THRB: variants seen among roughly 807,000 people sequenced by gnomAD.
THRB encodes the protein thyroid hormone receptor beta, also known as nuclear receptor subfamily 1 group A member 2.
A neutral mutation model predicts 47.8 loss-of-function variants in THRB; 12 were observed. The observed-to-expected ratio is 0.25, with a 90% CI of 0.16 to 0.41. The LOEUF (loss-of-function observed/expected upper bound fraction) is 0.41. THRB is among the 10% of genes least tolerant of loss of function. The pLI, the probability that THRB is intolerant of heterozygous loss-of-function variation, is 1.00. For missense variants in THRB, 348 were observed against 589.2 expected (o/e 0.59, Z 4.24); for synonymous variants, 218 against 212.2 (o/e 1.03, Z -0.24).
rs115975760 is a variant in THRB at position 24,313,121 on chromosome 3, C to T, written c.-188-15750G>A. ...GATTAAATACCTGGGTGAATGGTGC[C>T]GCCATTTACTGAGATGGGAAGACAG... On this transcript the variant is annotated intron_variant, in intron 2 of 10. Coordinates refer to ENST00000646209, the MANE Select transcript of THRB (RefSeq NM_001354712.2). Among the ~76,000 whole-genome samples, 1,514 of 152,112 alleles carry T rather than the reference C, an allele frequency of 1.0e-2. 18 individuals are homozygous for T. The highest frequency in any genetic ancestry group is 0.032 in the African/African-American group (1,332 of 41,472).
In THRB at chr3:24,122,568, A is replaced by G; in HGVS notation, c.*316T>C. ...AGTGTCCTGTGGCGCCATTTTGCTG[A>G]CTCAAGTCTTGGACCAGGGACGGGT... On this transcript the variant is annotated 3_prime_UTR_variant, in exon 11 of 11. Transcript: ENST00000646209. The G allele has an allele frequency of 2.4e-6, 1 of 412,326 alleles. No homozygotes were observed. The highest frequency in any genetic ancestry group is 4.6e-6 in the Non-Finnish European group (1 of 219,638). The allele number at this position is 412,326 out of a possible 1,614,324, so 25.5% of individuals were successfully genotyped here. A position where few individuals can be genotyped will look rare whatever the true frequency, so the allele number is the denominator to read the frequency against.
At chr3:24,210,037 A>G (rs764418012) in intron 4 of THRB, among the ~76,000 whole-genome samples, 3 of 152,180 alleles carry the variant, frequency 2.0e-5, no homozygotes, top group Non-Finnish European at 2.9e-5. Flanking sequence ...TGATGTCAAA[A>G]TGCTCTCCAA....
At chr3:24,390,573 G>T (rs1455881262) in intron 1 of THRB, among the ~76,000 whole-genome samples, 1 of 151,754 alleles carries the variant, frequency 6.6e-6, no homozygotes, top group Non-Finnish European at 1.5e-5. Flanking sequence ...ATTTAAAGAT[G>T]GCTTAACAAC....
chr3:24,493,732 T>G (rs1432951121), intron 1 of THRB, among the ~76,000 whole-genome samples: 1 of 152,202 alleles, frequency 6.6e-6, no homozygotes, highest in Non-Finnish European at 1.5e-5. Flanking sequence ...AATTTTCCAT[T>G]TGGGGAAACT....
chr3:24,460,308 T>C (rs1447787293), intron 1 of THRB, among the ~76,000 whole-genome samples: 2 of 152,186 alleles, frequency 1.3e-5, no homozygotes, highest in African/African-American at 4.8e-5. Context: ...GTTTAAATTA[T>C]AAAGCAAACA....
chr3:24,349,146 A>G (rs1216363214), intron 1 of THRB, among the ~76,000 whole-genome samples: 1 of 152,116 alleles, frequency 6.6e-6, no homozygotes, highest in African/African-American at 2.4e-5. Context: ...TTTAAAATCC[A>G]TTTTTAAAAG....
chr3:24,335,227 ATAT>A lies in THRB; in HGVS notation c.-189+2070_-189+2072del, dbSNP rs2062171751. 2.6e-5 allele frequency among the ~76,000 whole-genome samples: 4 copies of A among 152,220 alleles called. No individual in the cohort carries two copies. In the South Asian group the frequency reaches 8.3e-4, roughly 32 times the overall value. On this transcript the variant is annotated intron_variant, in intron 2 of 10. Coordinates refer to ENST00000646209, the MANE Select transcript of THRB (RefSeq NM_001354712.2). ...TGGCCTCTGTGGTCAGCGGAATCAA[ATAT>A]TGTCCTCTGAATCTCTACTCCCAGA... is the stretch of plus-strand genomic sequence containing the variant.
At chr3:24,272,453 T>C (rs2053453056) in intron 3 of THRB, among the ~76,000 whole-genome samples, 1 of 152,136 alleles carries the variant, frequency 6.6e-6, no homozygotes. Context: ...AATTTCCCTA[T>C]ATACCATGTT....
chr3:24,128,375 G>A (rs2033268943), intron 9 of THRB, among the ~76,000 whole-genome samples: 2 of 152,120 alleles, frequency 1.3e-5, no homozygotes, highest in South Asian at 4.1e-4. Flanking sequence ...TGACTCCCAA[G>A]GTTGTGTTCT....
chr3:24,352,087 G>A (rs1247307372), intron 1 of THRB, among the ~76,000 whole-genome samples: 1 of 152,142 alleles, frequency 6.6e-6, no homozygotes, highest in African/African-American at 2.4e-5. Context: ...TTTTGAGGGT[G>A]TAAAGTCTTT....
chr3:24,379,242 A>G lies in THRB; in HGVS notation c.-260-41871T>C, dbSNP rs372144187. The stretch of plus-strand genomic sequence containing the variant: ...TAACTGTACCCTAAATGTTATAACT[A>G]TATATAGTAATTTATAATTTATATT... On this transcript the variant is annotated intron_variant, in intron 1 of 10. Transcript: ENST00000646209. Among the ~76,000 whole-genome samples the G allele has an allele frequency of 1.6e-3, 237 of 152,272 alleles. 1 individual carries two copies. Among genetic ancestry groups the G allele is most frequent in the Non-Finnish European group, 2.3e-3 (155 of 68,018 alleles).
chr3:24,288,673 A>G (rs980655212), intron 3 of THRB, among the ~76,000 whole-genome samples: 28 of 152,324 alleles, frequency 1.8e-4, no homozygotes, highest in African/African-American at 6.7e-4. Context: ...AAGACTTAAA[A>G]TTCCCGGGTT....
At chr3:24,296,835 G>A (rs573317519) in intron 3 of THRB, among the ~76,000 whole-genome samples, 1 of 152,346 alleles carries the variant, frequency 6.6e-6, no homozygotes, top group African/African-American at 2.4e-5. Context: ...GAGTTTCAGG[G>A]AACTCAGCAA....
At chr3:24,322,202 G>C (rs943028611) in intron 2 of THRB, among the ~76,000 whole-genome samples, 1 of 152,252 alleles carries the variant, frequency 6.6e-6, no homozygotes, top group African/African-American at 2.4e-5. Flanking sequence ...GATTTGGAGA[G>C]AAACAATTAT....
intron 4 of THRB, among the ~76,000 whole-genome samples, chr3:24,205,827 CAAA>C (rs2045274881): frequency 6.6e-6 from 1 of 151,624 alleles, no homozygotes; most frequent in African/African-American, 2.4e-5. Flanking sequence ...AAATGGAAAA[CAAA>C]AAAAGGCAGA....
At chr3:24,376,594 A>C (rs557981996) in intron 1 of THRB, among the ~76,000 whole-genome samples, 1 of 152,288 alleles carries the variant, frequency 6.6e-6, no homozygotes, top group East Asian at 1.9e-4. Context: ...AGTTCCAACC[A>C]GCCAAGGAAA....
Position 24,279,607 on chromosome 3 carries a change from G to A in THRB, c.-43+17619C>T, listed in dbSNP as rs1017426552. On this transcript the variant is annotated intron_variant, in intron 3 of 10. Transcript: ENST00000646209. ...AGACGGGGTTTCACTGTGTTAGCCA[G>A]GATGGTCTCTATCTCCTGACCTCGT... Among the ~76,000 whole-genome samples the A allele has an allele frequency of 2.5e-4, 37 of 150,402 alleles. 1 individual carries two copies. Among genetic ancestry groups the A allele is most frequent in the African/African-American group, 9.0e-4 (37 of 40,954 alleles).
intron 1 of THRB, among the ~76,000 whole-genome samples, chr3:24,473,485 T>C (rs889803669): frequency 6.6e-6 from 1 of 152,182 alleles, no homozygotes; most frequent in African/African-American, 2.4e-5. Context: ...TTTTACACTG[T>C]TGGTGGGAGT....
rs371822474 is a variant in THRB, at chr3:24,322,949, C to T, written c.-189+14351G>A. 4.5e-4 allele frequency among the ~76,000 whole-genome samples: 68 copies of T among 152,246 alleles called. No homozygotes were observed. In the Middle Eastern group the frequency reaches 0.017, roughly 38 times the overall value. On this transcript the variant is annotated intron_variant, in intron 2 of 10. Transcript: ENST00000646209. ...GCTAATAAATGTATCAGTCCCAGAT[C>T]GGTACAGATACAGAGCTCATGAGTG... is the stretch of plus-strand genomic sequence containing the variant.
Sources: gnomAD v4.1 joint callset for allele counts (sites outside exome capture counted in the v4.1 genomes callset) on GRCh38, gnomAD v4.1.1 for gene constraint, MANE v1.5 for transcripts, NCBI Gene and HGNC (gene_info 2026-07-23, HGNC 2026-07-21) for gene names.